SYNJ1: variants seen among roughly 807,000 people sequenced by gnomAD.
SYNJ1 encodes synaptojanin 1, also known as polyphosphatidylinositol phosphatase SYNJ1.
SYNJ1 carries 78 observed loss-of-function variants against 168.2 expected under a neutral mutation model. The ratio of observed to expected loss-of-function variants is 0.46; its 90% CI spans 0.39 to 0.56. The LOEUF (loss-of-function observed/expected upper bound fraction) is 0.56, where lower values mean the gene tolerates loss of function less well. SYNJ1 is among the 20% of genes least tolerant of loss of function. The pLI is 0.00. For synonymous variants in SYNJ1, 539 were observed against 548.6 expected, an observed-to-expected ratio of 0.98 and a Z score of 0.24; for missense variants, 1,303 against 1,597.6, an observed-to-expected ratio of 0.82 and a Z score of 3.14.
intron 22 of SYNJ1, 122 bp from the exon 23 acceptor site, chr21:32,650,468 G>T: frequency 1.3e-6 from 1 of 756,216 alleles, no homozygotes; most frequent in Non-Finnish European, 2.0e-6. Flanking sequence ...AGACAATTCA[G>T]CTAACTAAAG....
intron 4 of SYNJ1, among the ~76,000 whole-genome samples, chr21:32,696,942 C>T (rs1224270180): frequency 3.9e-5 from 6 of 152,272 alleles, no homozygotes; most frequent in Non-Finnish European, 8.8e-5. Flanking sequence ...TTACTATTAC[C>T]CACATTGATC....
At chr21:32,705,667 T>A (rs1745205237) in intron 2 of SYNJ1, among the ~76,000 whole-genome samples, 1 of 152,102 alleles carries the variant, frequency 6.6e-6, no homozygotes. Context: ...TAGCAAACCA[T>A]CACCTTTATC....
At chr21:32,675,242 A>G (rs563670627) in intron 13 of SYNJ1, among the ~76,000 whole-genome samples, 1 of 152,230 alleles carries the variant, frequency 6.6e-6, no homozygotes, top group South Asian at 2.1e-4. Flanking sequence ...CAGCAAGACA[A>G]TGAACTGTGT....
chr21:32,645,965 C>A (rs773717460), intron 24 of SYNJ1, 176 bp from the exon 25 acceptor site: 17 of 984,940 alleles, frequency 1.7e-5, no homozygotes, highest in Non-Finnish European at 2.2e-5. Flanking sequence ...CCCTTTGGTA[C>A]CATGGCAGCA....
At chr21:32,673,601 G>A in intron 13 of SYNJ1, 70 bp from the exon 14 acceptor site, 1 of 1,325,264 alleles carries the variant, frequency 7.5e-7, no homozygotes, top group Non-Finnish European at 1.0e-6. Context: ...TTTCATAACT[G>A]AGATACGATG....
rs1301385972 is a variant in SYNJ1 at position 32,630,667 on chromosome 21, T to C, written c.*1138A>G. On this transcript the variant is annotated 3_prime_UTR_variant, in exon 33 of 33. Coordinates refer to ENST00000674351, the MANE Select transcript of SYNJ1 (RefSeq NM_203446.3). ...GGCTGGTGGAAATGTCAGCTGAAAG[T>C]TGGGTGGGCTTTTTGAGATTCTTCA... is the stretch of plus-strand genomic sequence containing the variant. The C allele has an allele frequency of 5.5e-6, 1 of 180,778 alleles. No individual in the cohort carries two copies. The highest frequency in any genetic ancestry group is 1.2e-5 in the Non-Finnish European group (1 of 84,948). 11.2% of individuals were successfully genotyped at this position (180,778 alleles called of 1,614,324 possible).
At chr21:32,632,957 T>C (rs1051318035) in intron 32 of SYNJ1, among the ~76,000 whole-genome samples, 1 of 152,054 alleles carries the variant, frequency 6.6e-6, no homozygotes, top group African/African-American at 2.4e-5. Flanking sequence ...GAGGCAGAGG[T>C]TGCAGTGAGC....
chr21:32,656,988 T>A lies in SYNJ1; in HGVS notation c.2579+15A>T. On this transcript the variant is annotated intron_variant, in intron 20 of 32. Transcript: ENST00000674351. ...AAATTTCAAACACTATTAGAAAAACTGAGACTGCTTAAACCTGTGGTCAGA... is the reference window on the plus strand; with the variant it reads ...AAATTTCAAACACTATTAGAAAAACAGAGACTGCTTAAACCTGTGGTCAGA... 6.2e-7 allele frequency: 1 copy of A among 1,611,946 alleles called. No individual in the cohort carries two copies. Among genetic ancestry groups the A allele is most frequent in the Non-Finnish European group, 8.5e-7 (1 of 1,179,126 alleles).
At position 32,673,550 on chromosome 21, in the gene SYNJ1, A is replaced by G. The variant is rs2041285737; in HGVS notation, c.1535-19T>C. 1.3e-6 allele frequency: 2 copies of G among 1,565,280 alleles called. No homozygotes were observed. The highest frequency in any genetic ancestry group is 1.7e-6 in the Non-Finnish European group (2 of 1,155,398). On this transcript the variant is annotated intron_variant, in intron 13 of 32. Coordinates refer to ENST00000674351, the MANE Select transcript of SYNJ1 (RefSeq NM_203446.3). ...GAAGATGCTAATCAAGAGAAGACAC[A>G]ATAGAATTTTAGCTGCATCAAACCA...
rs530875581 is a variant in SYNJ1, at chr21:32,684,249, T to C, written c.1119-130A>G. 29 of 761,498 alleles carry C rather than the reference T, an allele frequency of 3.8e-5. No homozygotes were observed. The South Asian group carries it at 4.9e-4, about 13-fold the overall frequency. 47.2% of individuals were successfully genotyped at this position (761,498 alleles called of 1,614,324 possible). The stretch of plus-strand genomic sequence containing the variant: ...ACTTTTTATTATTACAGTATTCAAA[T>C]ATACAAAAAAAATTATACTGTGAAC... On this transcript the variant is annotated intron_variant, in intron 9 of 32. Transcript: ENST00000674351.
At chr21:32,660,021 C>T (rs1356038695) in intron 18 of SYNJ1, among the ~76,000 whole-genome samples, 1 of 152,196 alleles carries the variant, frequency 6.6e-6, no homozygotes, top group Non-Finnish European at 1.5e-5. Flanking sequence ...TGGCAGGCCC[C>T]CATGAGTTAA....
At chr21:32,716,504 T>C (rs1219802533) in intron 2 of SYNJ1, among the ~76,000 whole-genome samples, 1 of 152,232 alleles carries the variant, frequency 6.6e-6, no homozygotes, top group Non-Finnish European at 1.5e-5. Flanking sequence ...TTGGATTGCT[T>C]GCAAAGAAAA....
Position 32,673,374 on chromosome 21 carries a change from A to T in SYNJ1, c.1692T>A (p.Asp564Glu). The T allele has an allele frequency of 6.2e-7, 1 of 1,612,204 alleles. No individual in the cohort carries two copies. The highest frequency in any genetic ancestry group is 1.1e-5 in the South Asian group (1 of 90,614). The part of the protein sequence containing the change: ...KNQTLTDWLL[D>E]APKLAGIQEF... Reference sequence around the variant, plus strand: ...CCTGGATGCCAGCTAACTTGGGTGCATCAAGAAGCCAGTCAGTGAGTGTCT... The same window carrying T: ...CCTGGATGCCAGCTAACTTGGGTGCTTCAAGAAGCCAGTCAGTGAGTGTCT... Residue 564 changes from aspartate to glutamate, a missense_variant, in exon 14 of 33, where the codon GAT becomes GAA. Asp to Glu is a conservative substitution (Grantham distance 45). Transcript: ENST00000674351.
At chr21:32,668,268 A>C (rs1435026829) in intron 15 of SYNJ1, among the ~76,000 whole-genome samples, 3 of 152,022 alleles carry the variant, frequency 2.0e-5, no homozygotes. Flanking sequence ...GGGTTTCACT[A>C]TATTGGCCAG....
intron 31 of SYNJ1, among the ~76,000 whole-genome samples, chr21:32,636,634 A>G (rs956423260): frequency 6.6e-6 from 1 of 152,114 alleles, no homozygotes; most frequent in African/African-American, 2.4e-5. Flanking sequence ...TATTTTTAAA[A>G]TAGGCATTAT....
At position 32,655,828 on chromosome 21, in the gene SYNJ1, A is replaced by G. The variant is rs112071478; in HGVS notation, c.2795+859T>C. On this transcript the variant is annotated intron_variant, in intron 21 of 32. Transcript: ENST00000674351. ...AACTGCTGTATAGTTGGAAGAGAAC[A>G]TTTTTAAAACAAGGAAACAGGCATC... Among the ~76,000 whole-genome samples the G allele has an allele frequency of 7.5e-4, 115 of 152,358 alleles. 1 individual carries two copies. Among genetic ancestry groups the G allele is most frequent in the African/African-American group, 2.6e-3 (109 of 41,582 alleles).
intron 18 of SYNJ1, among the ~76,000 whole-genome samples, chr21:32,661,872 G>A (rs919097661): frequency 5.9e-5 from 9 of 151,946 alleles, no homozygotes; most frequent in Non-Finnish European, 1.2e-4. Flanking sequence ...TGACAGCTAC[G>A]GGCTTTGGGA....
chr21:32,694,933 G>A, intron 5 of SYNJ1, 124 bp downstream of exon 5: 1 of 1,064,528 alleles, frequency 9.4e-7, no homozygotes, highest in African/African-American at 1.6e-5. Context: ...AAGTAACCAA[G>A]AACAATCATA....
chr21:32,634,163 C>A (rs765967978), intron 32 of SYNJ1, among the ~76,000 whole-genome samples: 5 of 152,096 alleles, frequency 3.3e-5, no homozygotes, highest in Non-Finnish European at 7.4e-5. Flanking sequence ...CATTTAAACA[C>A]CTTTATTTGC....
Sources: gnomAD v4.1 joint callset for allele counts (sites outside exome capture counted in the v4.1 genomes callset) on GRCh38, gnomAD v4.1.1 for gene constraint, MANE v1.5 for transcripts, NCBI Gene and HGNC (gene_info 2026-07-23, HGNC 2026-07-21) for gene names.